The following LARP4B variants were observed in gnomAD, a reference collection of about 807,000 sequenced individuals.
The protein encoded by LARP4B is la-related protein 4B.
LARP4B carries 12 observed loss-of-function variants against 89.8 expected under a neutral mutation model. The observed-to-expected ratio is 0.13, with a 90% confidence interval of 0.09 to 0.22. LARP4B has a LOEUF of 0.22. Among genes scored for constraint, LARP4B ranks in the 10% least tolerant of loss-of-function variants. The pLI is 1.00. For synonymous variants in LARP4B, 367 were observed against 363.3 expected (o/e 1.01, Z -0.12); for missense variants, 757 against 947.7 (o/e 0.80, Z 2.64).
At chr10:837,166 A>G (rs1050138101) in intron 7 of LARP4B, among the ~76,000 whole-genome samples, 4 of 152,232 alleles carry the variant, frequency 2.6e-5, no homozygotes, top group African/African-American at 9.6e-5. Context: ...ACATTACATG[A>G]AACAGAAACA....
intron 3 of LARP4B, among the ~76,000 whole-genome samples, chr10:866,038 C>T (rs1564417417): frequency 1.3e-5 from 2 of 152,188 alleles, no homozygotes; most frequent in Non-Finnish European, 2.9e-5. Flanking sequence ...TCCACATTGG[C>T]TCAGGTGATG....
chr10:986,226 C>T, the LARP4B span: 1 of 152,208 alleles, frequency 6.6e-6, no homozygotes, highest in Non-Finnish European at 1.5e-5. Context: ...AGAAGTGCCT[C>T]GCAGTCAGAA....
chr10:859,303 C>T (rs920262710), intron 5 of LARP4B, among the ~76,000 whole-genome samples: 1 of 148,090 alleles, frequency 6.8e-6, no homozygotes, highest in African/African-American at 2.5e-5. Context: ...CAGAAAATAA[C>T]AAGTATTGGC....
chr10:833,673 C>T (rs890943766), intron 8 of LARP4B, among the ~76,000 whole-genome samples: 2 of 152,132 alleles, frequency 1.3e-5, no homozygotes, highest in African/African-American at 2.4e-5. Context: ...GGACGGATCA[C>T]GAGGTCAAAA....
intron 5 of LARP4B, among the ~76,000 whole-genome samples, chr10:853,783 G>A (rs1834168951): frequency 6.6e-6 from 1 of 152,232 alleles, no homozygotes; most frequent in Non-Finnish European, 1.5e-5. Context: ...CCTTGATGAT[G>A]AGGGCTGACT....
intron 1 of LARP4B, among the ~76,000 whole-genome samples, chr10:897,987 CAAAAAAAAAAA>C (rs58452748): frequency 0.11 from 2,797 of 25,626 alleles, 69 homozygotes; most frequent in Admixed American, 0.27. Context: ...GGCTCCATCT[CAAAAAAAAAAA>C]AAAAAAAAAA....
rs1338172403 is a variant in LARP4B at position 822,131 on chromosome 10, A to G, written c.1485-1286T>C. Among the ~76,000 whole-genome samples, 1 of 152,250 alleles carries G rather than the reference A, an allele frequency of 6.6e-6. No individual in the cohort carries two copies. Among genetic ancestry groups the G allele is most frequent in the East Asian group, 1.9e-4 (1 of 5,200 alleles). ...AGCTGAACTCCTACTCCGCTGCGCCAGGATTCAGAAGTAGTGGAAAGGTGG... is the reference window on the plus strand; with the variant it reads ...AGCTGAACTCCTACTCCGCTGCGCCGGGATTCAGAAGTAGTGGAAAGGTGG... On this transcript the variant is annotated intron_variant, in intron 13 of 17. Transcript: ENST00000316157. This position sits in a 1 kb window ranked among gnomAD's most constrained non-coding sequence, Gnocchi z 4.6.
Position 829,494 on chromosome 10 carries a change from G to A in LARP4B, c.1016C>T (p.Thr339Met), listed in dbSNP as rs746846442. ...GTACATGGGAGGGAAGTAGAACGACGTCGCGTAGCGCTGCTGGGCATACAG... is the reference window on the plus strand; with the variant it reads ...GTACATGGGAGGGAAGTAGAACGACATCGCGTAGCGCTGCTGGGCATACAG... Reference protein sequence around the residue: ...VSLYAQQRYATSFYFPPMYSP... With the variant: ...VSLYAQQRYAMSFYFPPMYSP... The change falls in exon 11 of 18, where the codon ACG (threonine) becomes ATG (methionine). Residue 339 changes from threonine (T) to methionine (M), a missense_variant. Coordinates refer to ENST00000316157, the MANE Select transcript of LARP4B (RefSeq NM_015155.3). 15 of 1,614,140 alleles carry A rather than the reference G, an allele frequency of 9.3e-6. No individual in the cohort carries two copies. Among genetic ancestry groups the A allele is most frequent in the East Asian group, 2.2e-5 (1 of 44,874 alleles).
intron 11 of LARP4B, 49 bp from the exon 12 acceptor site, chr10:825,919 C>A: frequency 8.3e-7 from 1 of 1,200,558 alleles, no homozygotes; most frequent in South Asian, 1.3e-5. Flanking sequence ...AAACAGACTT[C>A]AATTTCATTA....
chr10:858,260 T>C (rs1322034223), intron 5 of LARP4B, among the ~76,000 whole-genome samples: 1 of 152,090 alleles, frequency 6.6e-6, no homozygotes, highest in Admixed American at 6.5e-5. Context: ...CATGGCCAAT[T>C]GTTTTTTTTA....
chr10:941,651 A>T, the LARP4B span, among the ~76,000 whole-genome samples: 1 of 152,126 alleles, frequency 6.6e-6, no homozygotes, highest in Non-Finnish European at 1.5e-5. Flanking sequence ...TTGCAATTCC[A>T]CCTGGTGCTA....
chr10:902,480 G>C (rs1836370705), intron 1 of LARP4B, among the ~76,000 whole-genome samples: 1 of 152,090 alleles, frequency 6.6e-6, no homozygotes, highest in Non-Finnish European at 1.5e-5. Context: ...TACATTAGGA[G>C]TATCTTTTTA....
At chr10:948,190 AGCCAC>A in the LARP4B span, among the ~76,000 whole-genome samples, 1 of 152,162 alleles carries the variant, frequency 6.6e-6, no homozygotes, top group South Asian at 2.1e-4. Context: ...CCAAATACAA[AGCCAC>A]GCTGCCTGGT....
At chr10:937,807 A>T in the LARP4B span, among the ~76,000 whole-genome samples, 28,370 of 152,170 alleles carry the variant, frequency 0.19, 2,868 homozygotes, top group Non-Finnish European at 0.23. Context: ...ACATGGGCAA[A>T]CCTAGATTAG....
At position 845,594 on chromosome 10, in the gene LARP4B, G is replaced by C. The variant is rs536694162; in HGVS notation, c.431-539C>G. On this transcript the variant is annotated intron_variant, in intron 5 of 17. Transcript: ENST00000316157. Reference sequence around the variant, plus strand: ...TGTTACAGAATTCCTGTAAGAGAATGATAAATAAACCAGATCTTCAAGAGG... The same window carrying C: ...TGTTACAGAATTCCTGTAAGAGAATCATAAATAAACCAGATCTTCAAGAGG... Among the ~76,000 whole-genome samples the C allele has an allele frequency of 2.0e-5, 3 of 152,294 alleles. No individual in the cohort carries two copies. The East Asian group carries it at 5.8e-4, about 29-fold the overall frequency.
chr10:928,554 C>T (rs1394105075), intron 1 of LARP4B, among the ~76,000 whole-genome samples: 1 of 152,104 alleles, frequency 6.6e-6, no homozygotes, highest in Non-Finnish European at 1.5e-5. Context: ...TCATTGTAAA[C>T]ACCATTAACA....
At chr10:820,698 C>T in intron 14 of LARP4B, 102 bp downstream of exon 14, 1 of 1,049,900 alleles carries the variant, frequency 9.5e-7, no homozygotes, top group Non-Finnish European at 1.4e-6. Context: ...TTTTGAAATG[C>T]TCATTCTTGT....
chr10:816,790 C>T (rs1319660895), intron 15 of LARP4B, among the ~76,000 whole-genome samples: 1 of 152,204 alleles, frequency 6.6e-6, no homozygotes, highest in Non-Finnish European at 1.5e-5. Context: ...AAGGACTAGA[C>T]ACGTCACCTG....
intron 3 of LARP4B, among the ~76,000 whole-genome samples, chr10:865,588 G>T (rs1834860575): frequency 6.6e-6 from 1 of 152,046 alleles, no homozygotes; most frequent in African/African-American, 2.4e-5. Flanking sequence ...AGAGACTGGG[G>T]ACTGGTGGTC....
Sources: gnomAD v4.1 joint callset for allele counts (sites outside exome capture counted in the v4.1 genomes callset) on GRCh38, gnomAD v4.1.1 for gene constraint, Gnocchi (gnomAD v3.1) non-coding constraint, MANE v1.5 for transcripts, NCBI Gene and HGNC (gene_info 2026-07-23, HGNC 2026-07-21) for gene names.